The following BCAR3 variants were observed in gnomAD, a reference collection of about 807,000 sequenced individuals.
BCAR3 encodes BCAR3 adaptor protein, NSP family member.
Under a neutral mutation model 80.1 loss-of-function variants are expected in BCAR3, and 37 were observed. That is an observed-to-expected ratio of 0.46 (90% CI 0.36 to 0.61). BCAR3 has a LOEUF of 0.61. Ranked by LOEUF, BCAR3 falls within the 20% of genes least tolerant of loss-of-function variation. BCAR3 has a pLI of 0.00. For missense variants in BCAR3, 978 were observed against 1,068.2 expected (o/e 0.92, Z 1.18); for synonymous variants, 389 against 418.9 (o/e 0.93, Z 0.87).
chr1:93,717,126 T>A (rs1454062026), intron 2 of BCAR3, among the ~76,000 whole-genome samples: 1 of 152,194 alleles, frequency 6.6e-6, no homozygotes, highest in Non-Finnish European at 1.5e-5. Context: ...GCTGCTGCCA[T>A]GTGAATAAGG....
chr1:93,845,502 A>ATATATATATATATATATAT, intron 2 of BCAR3: 3 of 113,810 alleles, frequency 2.6e-5, no homozygotes, highest in Non-Finnish European at 5.3e-5. Flanking sequence ...ATATATATAT[A>ATATATATATATATATATAT]AAACTTTGTT....
chr1:93,703,761 G>A (rs958053966), intron 3 of BCAR3, among the ~76,000 whole-genome samples: 6 of 152,108 alleles, frequency 3.9e-5, no homozygotes, highest in Non-Finnish European at 7.4e-5. Flanking sequence ...GAGATACAGC[G>A]GTGAGCAAGG....
intron 2 of BCAR3, among the ~76,000 whole-genome samples, chr1:93,781,380 T>C (rs1395709976): frequency 1.3e-5 from 2 of 152,210 alleles, no homozygotes; most frequent in East Asian, 1.9e-4. Flanking sequence ...TGACCCTCAG[T>C]GTGTGCCAGA....
At chr1:93,661,551 A>G (rs1482912372) in intron 2 of BCAR3, among the ~76,000 whole-genome samples, 4 of 148,644 alleles carry the variant, frequency 2.7e-5, no homozygotes, top group Non-Finnish European at 6.0e-5. Flanking sequence ...ACAATGGTGC[A>G]ATCTCCGCTC....
At chr1:93,650,183 G>A (rs1164507827) in intron 2 of BCAR3, among the ~76,000 whole-genome samples, 2 of 152,132 alleles carry the variant, frequency 1.3e-5, no homozygotes, top group African/African-American at 2.4e-5. Flanking sequence ...TCACGAGTTC[G>A]AGACCAGCCT....
chr1:93,838,455 C>A (rs1026418778), intron 2 of BCAR3, among the ~76,000 whole-genome samples: 1 of 152,088 alleles, frequency 6.6e-6, no homozygotes, highest in African/African-American at 2.4e-5. Context: ...AAGGATCCAC[C>A]CTCATTACCC....
chr1:93,620,812 T>G (rs1056416436), intron 3 of BCAR3, among the ~76,000 whole-genome samples: 1 of 152,182 alleles, frequency 6.6e-6, no homozygotes, highest in African/African-American at 2.4e-5. Flanking sequence ...ACTACAACCG[T>G]GTCTGGTATA....
intron 8 of BCAR3, among the ~76,000 whole-genome samples, chr1:93,572,633 C>T (rs1673266400): frequency 6.6e-6 from 1 of 152,196 alleles, no homozygotes; most frequent in Non-Finnish European, 1.5e-5. Flanking sequence ...GACTGTGACC[C>T]CCTTTCCTTC....
chr1:93,570,311 G>A (rs1673159785), intron 9 of BCAR3, among the ~76,000 whole-genome samples: 1 of 152,214 alleles, frequency 6.6e-6, no homozygotes, highest in African/African-American at 2.4e-5. Flanking sequence ...CAGGATTTCA[G>A]AGCTAACCTG....
At chr1:93,757,218 C>T (rs1349127904) in intron 2 of BCAR3, among the ~76,000 whole-genome samples, 1 of 152,194 alleles carries the variant, frequency 6.6e-6, no homozygotes, top group African/African-American at 2.4e-5. Flanking sequence ...AAGGGGCACA[C>T]AATCATGGGG....
chr1:93,700,998 C>T (rs146830705), intron 3 of BCAR3, among the ~76,000 whole-genome samples: 2 of 152,214 alleles, frequency 1.3e-5, no homozygotes, highest in African/African-American at 4.8e-5. Context: ...AAAAGCACAG[C>T]CTTCGGGGCA....
At chr1:93,705,302 T>C (rs1014549118) in intron 3 of BCAR3, among the ~76,000 whole-genome samples, 4 of 152,154 alleles carry the variant, frequency 2.6e-5, no homozygotes, top group African/African-American at 9.7e-5. Context: ...CCCTGTGACA[T>C]TGACTTTGAA....
intron 3 of BCAR3, among the ~76,000 whole-genome samples, chr1:93,639,329 C>A (rs1303414921): frequency 6.6e-6 from 1 of 152,160 alleles, no homozygotes; most frequent in Non-Finnish European, 1.5e-5. Context: ...TCCCCTCGCC[C>A]CACGAGCTAT....
intron 2 of BCAR3, among the ~76,000 whole-genome samples, chr1:93,671,924 T>C (rs1484418914): frequency 6.6e-6 from 1 of 152,164 alleles, no homozygotes; most frequent in African/African-American, 2.4e-5. Flanking sequence ...TTAATAGTAG[T>C]ACAGAGCAGG....
At chr1:93,605,994 T>C (rs1674761837) in intron 3 of BCAR3, among the ~76,000 whole-genome samples, 2 of 152,184 alleles carry the variant, frequency 1.3e-5, no homozygotes, top group African/African-American at 4.8e-5. Context: ...CTAACTACCA[T>C]CTTAGAACTC....
At chr1:93,573,786 G>A (rs1012778337) in intron 8 of BCAR3, among the ~76,000 whole-genome samples, 4 of 148,586 alleles carry the variant, frequency 2.7e-5, no homozygotes, top group Admixed American at 2.7e-4. Context: ...ATGCCACCAT[G>A]CCCAGCTAAT....
At chr1:93,712,363 C>T (rs1483681951) in intron 2 of BCAR3, among the ~76,000 whole-genome samples, 10 of 152,210 alleles carry the variant, frequency 6.6e-5, no homozygotes, top group Non-Finnish European at 7.3e-5. Flanking sequence ...ATTCCTGCTG[C>T]CACACATGGG....
rs771900854 is a variant in BCAR3, at chr1:93,571,593, A to G, written c.1974+77T>C. ...CAATTTACTTTTGAGATTGACTAAA[A>G]TAGTCTGATTTGCCAAACATGGCAT... is the stretch of plus-strand genomic sequence containing the variant. On this transcript the variant is annotated intron_variant, in intron 9 of 11. Coordinates refer to ENST00000260502, the MANE Select transcript of BCAR3 (RefSeq NM_003567.4). 3.0e-5 allele frequency: 46 copies of G among 1,553,316 alleles called. No individual in the cohort carries two copies. The African/African-American group carries it at 5.8e-4, about 20-fold the overall frequency.
chr1:93,845,498 A>ATCTC (rs1485889618), intron 2 of BCAR3: 2 of 4,660 alleles, frequency 4.3e-4, no homozygotes, highest in Non-Finnish European at 6.0e-4. Context: ...ATATATATAT[A>ATCTC]TATAAAACTT....
Sources: gnomAD v4.1 joint callset for allele counts (sites outside exome capture counted in the v4.1 genomes callset) on GRCh38, gnomAD v4.1.1 for gene constraint, MANE v1.5 for transcripts, NCBI Gene and HGNC (gene_info 2026-07-23, HGNC 2026-07-21) for gene names.